The following FRMD4A variants were observed in gnomAD, a reference collection of about 807,000 sequenced individuals.
FRMD4A encodes the protein FERM domain-containing protein 4A.
Under a neutral mutation model 129.1 loss-of-function variants are expected in FRMD4A, and 29 were observed. That is an observed-to-expected ratio of 0.22 (90% confidence interval 0.17 to 0.31). FRMD4A has a LOEUF of 0.31. Ranked by LOEUF, FRMD4A falls within the 10% of genes least tolerant of loss-of-function variation. The pLI is 1.00. For missense variants in FRMD4A, 1,272 were observed against 1,375.8 expected, an observed-to-expected ratio of 0.92 and a Z score of 1.19; for synonymous variants, 634 against 571.6, an observed-to-expected ratio of 1.11 and a Z score of -1.56.
chr10:14,299,343 G>T (rs899082078), intron 2 of FRMD4A, among the ~76,000 whole-genome samples: 60 of 152,158 alleles, frequency 3.9e-4, no homozygotes, highest in Non-Finnish European at 6.3e-4. Flanking sequence ...GGGCTGGCCT[G>T]GGGAGAAGCT....
intron 2 of FRMD4A, among the ~76,000 whole-genome samples, chr10:14,131,694 A>G (rs1284783552): frequency 6.6e-6 from 1 of 152,164 alleles, no homozygotes; most frequent in Non-Finnish European, 1.5e-5. Flanking sequence ...TGACTCAGGA[A>G]ACAGAGGCAA....
intron 8 of FRMD4A, among the ~76,000 whole-genome samples, chr10:13,759,284 G>A (rs1419761366): frequency 5.3e-5 from 8 of 152,180 alleles, no homozygotes; most frequent in Non-Finnish European, 1.2e-4. Context: ...AGCACAACCC[G>A]GATCCTTTGT....
intron 17 of FRMD4A, 34 bp downstream of exon 17, chr10:13,670,372 T>G (rs1589290281): frequency 1.9e-6 from 3 of 1,606,916 alleles, no homozygotes; most frequent in East Asian, 2.2e-5. Context: ...AAGGATAACA[T>G]GAGAGAATCC....
chr10:14,279,745 T>C (rs762007477), intron 2 of FRMD4A, among the ~76,000 whole-genome samples: 2 of 152,192 alleles, frequency 1.3e-5, no homozygotes, highest in African/African-American at 4.8e-5. Flanking sequence ...TCAATGTGCA[T>C]GATCTCATTT....
chr10:14,208,829 A>C (rs1288704897), intron 2 of FRMD4A, among the ~76,000 whole-genome samples: 1 of 152,096 alleles, frequency 6.6e-6, no homozygotes, highest in East Asian at 1.9e-4. Context: ...TCCTTGGAAG[A>C]TCCATATTGA....
chr10:14,169,445 T>C (rs1284083545), intron 2 of FRMD4A, among the ~76,000 whole-genome samples: 1 of 152,198 alleles, frequency 6.6e-6, no homozygotes, highest in Non-Finnish European at 1.5e-5. Flanking sequence ...ACACACCCTT[T>C]TCCTATGGTG....
At chr10:14,234,133 C>A (rs951976984) in intron 2 of FRMD4A, among the ~76,000 whole-genome samples, 3 of 152,140 alleles carry the variant, frequency 2.0e-5, no homozygotes, top group African/African-American at 7.2e-5. Flanking sequence ...GAAAATGCAT[C>A]TTTTTTTGTC....
chr10:13,678,217 T>C (rs1200079266), intron 15 of FRMD4A, among the ~76,000 whole-genome samples: 2 of 152,062 alleles, frequency 1.3e-5, no homozygotes, highest in East Asian at 3.9e-4. Flanking sequence ...GCAGACTAGA[T>C]GGCTCAAGAG....
chr10:14,004,793 A>T (rs1336629357), intron 2 of FRMD4A, among the ~76,000 whole-genome samples: 1 of 152,196 alleles, frequency 6.6e-6, no homozygotes, highest in Non-Finnish European at 1.5e-5. Context: ...TAAATATTCA[A>T]TAGTTAAAGA....
At chr10:14,112,771 C>T (rs1226322326) in intron 2 of FRMD4A, among the ~76,000 whole-genome samples, 1 of 152,222 alleles carries the variant, frequency 6.6e-6, no homozygotes, top group Non-Finnish European at 1.5e-5. Context: ...GGTGATCCGC[C>T]TTCCTCGGCC....
At chr10:14,269,501 C>G (rs928305240) in intron 2 of FRMD4A, among the ~76,000 whole-genome samples, 1 of 152,156 alleles carries the variant, frequency 6.6e-6, no homozygotes, top group Non-Finnish European at 1.5e-5. Context: ...TTCCTTGGCT[C>G]GTGGCCCCTT....
At chr10:14,181,008 C>A (rs1841894843) in intron 2 of FRMD4A, among the ~76,000 whole-genome samples, 1 of 152,232 alleles carries the variant, frequency 6.6e-6, no homozygotes, top group African/African-American at 2.4e-5. Flanking sequence ...ATCTTTTAGA[C>A]TCTGCCCCAT....
At chr10:13,978,023 G>T (rs2131397742) in intron 2 of FRMD4A, among the ~76,000 whole-genome samples, 1 of 152,300 alleles carries the variant, frequency 6.6e-6, no homozygotes, top group Middle Eastern at 3.4e-3. Context: ...GAGTGGAATT[G>T]CTGGGTCAGA....
At chr10:13,702,916 A>G (rs1426678588) in intron 13 of FRMD4A, among the ~76,000 whole-genome samples, 2 of 16,000 alleles carry the variant, frequency 1.3e-4, no homozygotes, top group African/African-American at 2.9e-4. Context: ...AGTGAAGGAA[A>G]AAAAAAAAAA....
intron 2 of FRMD4A, among the ~76,000 whole-genome samples, chr10:14,046,160 G>A (rs1296082720): frequency 6.6e-6 from 1 of 151,902 alleles, no homozygotes; most frequent in Non-Finnish European, 1.5e-5. Flanking sequence ...GGCCTTTTGG[G>A]ACCATCAGCT....
chr10:14,101,663 CCTGGT>C (rs1837309133), intron 2 of FRMD4A, among the ~76,000 whole-genome samples: 1 of 152,118 alleles, frequency 6.6e-6, no homozygotes, highest in Admixed American at 6.6e-5. Context: ...CATATTTGGA[CCTGGT>C]CTTTATGGTC....
At chr10:13,867,790 A>C (rs28728457) in intron 2 of FRMD4A, among the ~76,000 whole-genome samples, 1 of 134,258 alleles carries the variant, frequency 7.4e-6, no homozygotes, top group South Asian at 2.1e-4. Context: ...ATAAATATAT[A>C]ATATAATATA....
At chr10:14,149,090 G>C (rs1460028598) in intron 2 of FRMD4A, among the ~76,000 whole-genome samples, 1 of 152,148 alleles carries the variant, frequency 6.6e-6, no homozygotes, top group Non-Finnish European at 1.5e-5. Context: ...GAATGAGCCA[G>C]ATCCAAGTTC....
At chr10:14,022,662 A>G (rs948449171) in intron 2 of FRMD4A, among the ~76,000 whole-genome samples, 43 of 152,116 alleles carry the variant, frequency 2.8e-4, no homozygotes, top group African/African-American at 9.2e-4. Context: ...GAAGAACTGG[A>G]GAAGTGCTGG....
Sources: allele counts gnomAD v4.1 joint callset (sites outside exome capture counted in the v4.1 genomes callset), GRCh38; gene constraint gnomAD v4.1.1; transcripts MANE v1.5; gene names NCBI Gene and HGNC (gene_info 2026-07-23, HGNC 2026-07-21).